Variants in ATP2A2 observed in about 807,000 individuals in gnomAD.
ATP2A2 encodes the protein sarcoplasmic/endoplasmic reticulum calcium ATPase 2.
ATP2A2 carries 14 observed loss-of-function variants against 109.3 expected under a neutral mutation model. The ratio of observed to expected loss-of-function variants is 0.13; its 90% confidence interval spans 0.08 to 0.20. The LOEUF (loss-of-function observed/expected upper bound fraction) is 0.20. Ranked by LOEUF, ATP2A2 falls within the 10% of genes least tolerant of loss-of-function variation. The pLI is 1.00. For missense variants in ATP2A2, 657 were observed against 1,321.6 expected (o/e 0.50, Z 7.80); for synonymous variants, 506 against 490.9 (o/e 1.03, Z -0.41).
intron 5 of ATP2A2, among the ~76,000 whole-genome samples, chr12:110,320,552 T>G (rs1043547282): frequency 6.6e-6 from 1 of 152,238 alleles, no homozygotes; most frequent in African/African-American, 2.4e-5. Context: ...ATAGGGCATG[T>G]TAGCTGTTAA....
At chr12:110,323,528 G>A (rs1215045150) in intron 6 of ATP2A2, among the ~76,000 whole-genome samples, 1 of 152,160 alleles carries the variant, frequency 6.6e-6, no homozygotes, top group Non-Finnish European at 1.5e-5. Flanking sequence ...AAAACAAAAT[G>A]GCTGGGCACG....
intron 18 of ATP2A2, 71 bp downstream of exon 18, chr12:110,345,453 C>CA (rs2137872375): frequency 1.9e-6 from 3 of 1,593,542 alleles, no homozygotes; most frequent in Admixed American, 1.7e-5. Flanking sequence ...TGTGTGTAGT[C>CA]ACGGTTGATT....
rs1410375517 is a variant in ATP2A2 at position 110,281,677 on chromosome 12, A to G, written c.-113A>G. 15 of 604,902 alleles carry G rather than the reference A, an allele frequency of 2.5e-5. No individual in the cohort carries two copies. The highest frequency in any genetic ancestry group is 4.8e-4 in the Middle Eastern group (1 of 2,072). The allele number at this position is 604,902 out of a possible 1,614,324, so 37.5% of individuals were successfully genotyped here. On this transcript the variant is annotated 5_prime_UTR_variant, in exon 1 of 20. Transcript: ENST00000539276. ...GAAGCGGCCGCAAGAGGAGGAGGGGAGAGCCCGTCCGCGCCTGGGCTCCCG... is the reference window on the plus strand; with the variant it reads ...GAAGCGGCCGCAAGAGGAGGAGGGGGGAGCCCGTCCGCGCCTGGGCTCCCG...
In ATP2A2 at chr12:110,349,179, G is replaced by C. The variant is rs535016964; in HGVS notation, c.*2709G>C. On this transcript the variant is annotated 3_prime_UTR_variant, in exon 20 of 20. Transcript: ENST00000539276. ...CTCCATTTCACTGAAGGCTTTGCTG[G>C]GTGAAAACACTTCAGCATCTCCTCC... 2.0e-5 allele frequency: 20 copies of C among 985,532 alleles called. No homozygotes were observed. The East Asian group carries it at 1.5e-3, about 73-fold the overall frequency. 61.0% of individuals were successfully genotyped at this position (985,532 alleles called of 1,614,324 possible).
intron 16 of ATP2A2, 128 bp from the exon 17 acceptor site, chr12:110,344,758 A>T: frequency 2.2e-6 from 2 of 906,660 alleles, no homozygotes; most frequent in Non-Finnish European, 3.6e-6. Flanking sequence ...TGGTAGCACC[A>T]CAGGCCCCGG....
chr12:110,334,273 TC>T lies in ATP2A2; in HGVS notation c.1419+134del. The T allele has an allele frequency of 7.9e-6, 9 of 1,146,248 alleles. No individual in the cohort carries two copies. In the South Asian group the frequency reaches 1.1e-4, roughly 15 times the overall value. 71.0% of individuals were successfully genotyped at this position (1,146,248 alleles called of 1,614,324 possible). ...TCTCCTCAAACTTACAGTATTTCCT[TC>T]CCCATATTCACTCTCAGGTAAGATG... is the stretch of plus-strand genomic sequence containing the variant. On this transcript the variant is annotated intron_variant, in intron 11 of 19. Transcript: ENST00000539276.
rs371360770 is a variant in ATP2A2 at position 110,309,839 on chromosome 12, G to A, written c.463+13102G>A. On this transcript the variant is annotated intron_variant, in intron 5 of 19. Transcript: ENST00000539276. ...GAGGATCACCTGAGCCCAGGAGGTC[G>A]AGGCTGTGGCAGTGAGCTGAAATTA... Among the ~76,000 whole-genome samples, 47 of 151,934 alleles carry A rather than the reference G, an allele frequency of 3.1e-4. No homozygotes were observed. In the East Asian group the frequency reaches 3.9e-3, roughly 13 times the overall value.
At chr12:110,301,950 TTTGA>T (rs1258371046) in intron 5 of ATP2A2, among the ~76,000 whole-genome samples, 2 of 152,284 alleles carry the variant, frequency 1.3e-5, no homozygotes, top group Middle Eastern at 3.4e-3. Context: ...GTGGTGAAGC[TTTGA>T]TTATTACCCT....
rs949698175 is a variant in ATP2A2, at chr12:110,348,850, T to G, written c.*2380T>G. On this transcript the variant is annotated 3_prime_UTR_variant, in exon 20 of 20. Coordinates refer to ENST00000539276, the MANE Select transcript of ATP2A2 (RefSeq NM_170665.4). ...GAGCATCATGAGGTGTAACAAGAAA[T>G]GGGTTGAATGGGCCAAATGCAAGGA... 20 of 985,210 alleles carry G rather than the reference T, an allele frequency of 2.0e-5. No individual in the cohort carries two copies. Among genetic ancestry groups the G allele is most frequent in the Non-Finnish European group, 2.2e-5 (18 of 829,922 alleles). The allele number at this position is 985,210 out of a possible 1,614,324, so 61.0% of individuals were successfully genotyped here.
At chr12:110,294,777 G>GTA (rs889948612) in intron 4 of ATP2A2, among the ~76,000 whole-genome samples, 4 of 152,192 alleles carry the variant, frequency 2.6e-5, no homozygotes, top group African/African-American at 9.7e-5. Flanking sequence ...GTATAAGGTA[G>GTA]TATGAGGGGC....
In ATP2A2 at chr12:110,345,986, C is replaced by G. The variant is rs767694337; in HGVS notation, c.2742-15C>G. 1.2e-6 allele frequency: 2 copies of G among 1,613,948 alleles called. No homozygotes were observed. The highest frequency in any genetic ancestry group is 1.7e-6 in the Non-Finnish European group (2 of 1,179,808). On this transcript the variant is annotated splice_polypyrimidine_tract_variant and intron_variant, in intron 18 of 19. Transcript: ENST00000539276. ...GCCTTGGGGGTGCGTTTCCCCACCTCTCCTTGCTCTGCAGCTTGTCCGAAA... is the reference window on the plus strand; with the variant it reads ...GCCTTGGGGGTGCGTTTCCCCACCTGTCCTTGCTCTGCAGCTTGTCCGAAA...
intron 3 of ATP2A2, among the ~76,000 whole-genome samples, chr12:110,287,497 GTAT>G (rs760435446): frequency 3.9e-5 from 6 of 152,298 alleles, no homozygotes; most frequent in Non-Finnish European, 7.3e-5. Flanking sequence ...CAGAAGACAG[GTAT>G]TATTGTATTT....
chr12:110,304,417 A>G (rs1044355270), intron 5 of ATP2A2, among the ~76,000 whole-genome samples: 5 of 152,286 alleles, frequency 3.3e-5, no homozygotes, highest in African/African-American at 1.2e-4. Context: ...AACAATGTAT[A>G]CAAGTTCCAG....
chr12:110,282,493 C>T lies in ATP2A2; in HGVS notation c.119-111C>T, dbSNP rs188083000. ...GGTCTGTGTTTTAAAGATATTGATG[C>T]TTAGAATTGTAGCAGTTCTTTTTAG... On this transcript the variant is annotated intron_variant, in intron 1 of 19. Transcript: ENST00000539276. 888 of 1,395,984 alleles carry T rather than the reference C, an allele frequency of 6.4e-4. 2 individuals carry two copies. Among genetic ancestry groups the T allele is most frequent in the Non-Finnish European group, 7.9e-4 (780 of 990,134 alleles). 86.5% of individuals were successfully genotyped at this position (1,395,984 alleles called of 1,614,324 possible).
chr12:110,293,367 CTTTTT>C (rs1178977431), intron 4 of ATP2A2, among the ~76,000 whole-genome samples: 2 of 79,858 alleles, frequency 2.5e-5, no homozygotes, highest in African/African-American at 5.3e-5. Flanking sequence ...CACTCCCGGC[CTTTTT>C]TTTTTTTTTT....
At chr12:110,301,527 C>G (rs1874642443) in intron 5 of ATP2A2, among the ~76,000 whole-genome samples, 1 of 152,180 alleles carries the variant, frequency 6.6e-6, no homozygotes, top group Non-Finnish European at 1.5e-5. Flanking sequence ...AGAACACACC[C>G]AAGTTCGTGA....
At position 110,348,898 on chromosome 12, in the gene ATP2A2, G is replaced by C. The variant is rs535256298; in HGVS notation, c.*2428G>C. The C allele has an allele frequency of 1.0e-6, 1 of 985,466 alleles. No homozygotes were observed. Among genetic ancestry groups the C allele is most frequent in the South Asian group, 4.7e-5 (1 of 21,290 alleles). 61.0% of individuals were successfully genotyped at this position (985,466 alleles called of 1,614,324 possible). On this transcript the variant is annotated 3_prime_UTR_variant, in exon 20 of 20. Coordinates refer to ENST00000539276, the MANE Select transcript of ATP2A2 (RefSeq NM_170665.4). ...GGAGTGCATCTCTGGGCTGCAAACTGACTTGAGTGCTGCACTATTGCTATT... is the reference window on the plus strand; with the variant it reads ...GGAGTGCATCTCTGGGCTGCAAACTCACTTGAGTGCTGCACTATTGCTATT...
chr12:110,292,565 G>A (rs556022116), intron 4 of ATP2A2, among the ~76,000 whole-genome samples: 4 of 152,046 alleles, frequency 2.6e-5, no homozygotes, highest in Non-Finnish European at 4.4e-5. Context: ...CACCATGCCC[G>A]GCCTATTAAT....
Position 110,348,334 on chromosome 12 carries a change from T to C in ATP2A2, c.*1864T>C. ...CTCTGCAGGGGATGTTAAAGCACAGTTAGTAGGACGTGGCTCTGCACAGCC... is the reference window on the plus strand; with the variant it reads ...CTCTGCAGGGGATGTTAAAGCACAGCTAGTAGGACGTGGCTCTGCACAGCC... On this transcript the variant is annotated 3_prime_UTR_variant, in exon 20 of 20. Transcript: ENST00000539276. 1 of 984,224 alleles carries C rather than the reference T, an allele frequency of 1.0e-6. No homozygotes were observed. The highest frequency in any genetic ancestry group is 1.8e-5 in the African/African-American group (1 of 57,008). 61.0% of individuals were successfully genotyped at this position (984,224 alleles called of 1,614,324 possible).
Sources: gnomAD v4.1 joint callset for allele counts (sites outside exome capture counted in the v4.1 genomes callset) on GRCh38, gnomAD v4.1.1 for gene constraint, MANE v1.5 for transcripts, NCBI Gene and HGNC (gene_info 2026-07-23, HGNC 2026-07-21) for gene names.